CCDC186: variants seen among roughly 807,000 people sequenced by gnomAD.
CCDC186 encodes the protein coiled-coil domain containing 186.
A neutral mutation model predicts 113.7 loss-of-function variants in CCDC186; 49 were observed. That is an observed-to-expected ratio of 0.43 (90% CI 0.34 to 0.55). The LOEUF is 0.55. Ranked by LOEUF, CCDC186 falls within the 20% of genes least tolerant of loss-of-function variation. The pLI is 0.02. For synonymous variants in CCDC186, 355 were observed against 345.8 expected (o/e 1.03, Z -0.30); for missense variants, 890 against 1,011.1 (o/e 0.88, Z 1.62).
intron 6 of CCDC186, among the ~76,000 whole-genome samples, chr10:114,139,350 G>T (rs2031385876): frequency 6.6e-6 from 1 of 151,950 alleles, no homozygotes. Flanking sequence ...ATCACCTGAG[G>T]TCAGGAGTTG....
intron 3 of CCDC186, among the ~76,000 whole-genome samples, chr10:114,151,781 A>G (rs189555660): frequency 3.3e-4 from 51 of 152,296 alleles, no homozygotes; most frequent in African/African-American, 1.2e-3. Context: ...CCCTTAATTA[A>G]TAAGTGAGTT....
At chr10:114,145,444 T>G in intron 5 of CCDC186, 105 bp downstream of exon 5, 1 of 1,036,094 alleles carries the variant, frequency 9.7e-7, no homozygotes, top group South Asian at 1.9e-5. Context: ...AACTTTACGT[T>G]TGAGTGTTAA....
chr10:114,134,577 G>A (rs968110785), intron 10 of CCDC186, among the ~76,000 whole-genome samples: 3 of 152,178 alleles, frequency 2.0e-5, no homozygotes, highest in East Asian at 1.9e-4. Flanking sequence ...ACACACGTGC[G>A]AAGATCTAGA....
intron 6 of CCDC186, among the ~76,000 whole-genome samples, chr10:114,140,387 A>G (rs746782598): frequency 6.6e-6 from 1 of 152,220 alleles, no homozygotes; most frequent in Non-Finnish European, 1.5e-5. Flanking sequence ...GGCCTGAGCA[A>G]TGAGATGGAA....
At chr10:114,153,511 C>A (rs908695859) in intron 3 of CCDC186, among the ~76,000 whole-genome samples, 2 of 151,978 alleles carry the variant, frequency 1.3e-5, no homozygotes, top group African/African-American at 2.4e-5. Flanking sequence ...GGGGGCCAGG[C>A]GGGGTGGCTC....
intron 1 of CCDC186, among the ~76,000 whole-genome samples, chr10:114,164,194 C>A (rs981771315): frequency 1.5e-5 from 2 of 132,680 alleles, no homozygotes; most frequent in Admixed American, 1.5e-4. Context: ...GATCTCGGCT[C>A]ACTGCTACCT....
In CCDC186 at chr10:114,123,160, T is replaced by C. The variant is rs952862791; in HGVS notation, c.*1983A>G. On this transcript the variant is annotated 3_prime_UTR_variant, in exon 16 of 16. Coordinates refer to ENST00000369287, the MANE Select transcript of CCDC186 (RefSeq NM_018017.4). ...CAAAGTAGTCTTTAGGAGTGTTAAG[T>C]AGTGTGTCTAGAAACAAATAGTAAA... 7 of 152,608 alleles carry C rather than the reference T, an allele frequency of 4.6e-5. No homozygotes were observed. The highest frequency in any genetic ancestry group is 1.0e-4 in the Non-Finnish European group (7 of 68,020). 9.5% of individuals were successfully genotyped at this position (152,608 alleles called of 1,614,324 possible). A position where few individuals can be genotyped will look rare whatever the true frequency, so the allele number is the denominator to read the frequency against.
intron 4 of CCDC186, among the ~76,000 whole-genome samples, chr10:114,150,409 C>T (rs11598317): frequency 0.08 from 12,205 of 152,160 alleles, 577 homozygotes; most frequent in Middle Eastern, 0.14. Context: ...TGTATAGTAT[C>T]ATTCCAATCA....
chr10:114,138,437 G>A (rs930157556), intron 6 of CCDC186, among the ~76,000 whole-genome samples: 1 of 150,966 alleles, frequency 6.6e-6, no homozygotes, highest in African/African-American at 2.4e-5. Flanking sequence ...GGGATTACAA[G>A]TATGTGCCAC....
intron 6 of CCDC186, among the ~76,000 whole-genome samples, chr10:114,142,489 C>T (rs1292296047): frequency 6.6e-6 from 1 of 152,210 alleles, no homozygotes; most frequent in Non-Finnish European, 1.5e-5. Context: ...ACCAGGTAGG[C>T]AAACAAGTAG....
chr10:114,127,470 T>C lies in CCDC186; in HGVS notation c.2384A>G (p.Lys795Arg), dbSNP rs2030943042. 1 of 1,613,764 alleles carries C rather than the reference T, an allele frequency of 6.2e-7. No individual in the cohort carries two copies. The highest frequency in any genetic ancestry group is 1.3e-5 in the African/African-American group (1 of 75,012). The change falls in exon 14 of 16, where the codon AAA becomes AGA. Residue 795 changes from lysine (K) to arginine (R), a missense_variant. Coordinates refer to ENST00000369287, the MANE Select transcript of CCDC186 (RefSeq NM_018017.4). Reference protein sequence around the residue: ...HIKQLVEEIRKKTKIIQSYIL... With the variant: ...HIKQLVEEIRRKTKIIQSYIL... ...CCGTAATAATACATACTTTGTTTTT[T>C]TCCTAATTTCTTCCACCAGTTGTTT...
In CCDC186 at chr10:114,134,959, A is replaced by G. The variant is rs751759033; in HGVS notation, c.1609T>C (p.Leu537=). ...NRQKAEIQNL[L]DKVKTADQLQ... is the part of the protein sequence containing the mutation. ...TGATCTGCAGTTTTCACCTTGTCCA[A>G]TAAATTCTGAATTTCAGCTTTTTGG... Residue 537 remains leucine (L), a synonymous_variant, in exon 10 of 16, where the codon TTG becomes CTG. Coordinates refer to ENST00000369287, the MANE Select transcript of CCDC186 (RefSeq NM_018017.4). 6.2e-7 allele frequency: 1 copy of G among 1,612,704 alleles called. No homozygotes were observed. The highest frequency in any genetic ancestry group is 8.5e-7 in the Non-Finnish European group (1 of 1,179,584).
chr10:114,159,058 A>G (rs1421642005), intron 2 of CCDC186, among the ~76,000 whole-genome samples: 6 of 152,234 alleles, frequency 3.9e-5, no homozygotes, highest in African/African-American at 1.4e-4. Flanking sequence ...TTGAGCTGCT[A>G]TTTTAGATAA....
intron 7 of CCDC186, among the ~76,000 whole-genome samples, chr10:114,136,843 G>A (rs1316096052): frequency 6.6e-6 from 1 of 152,176 alleles, no homozygotes; most frequent in South Asian, 2.1e-4. Flanking sequence ...AACTGGCTAG[G>A]CACAGTGGTT....
chr10:114,148,124 G>C (rs2031703714), intron 4 of CCDC186, among the ~76,000 whole-genome samples: 1 of 152,080 alleles, frequency 6.6e-6, no homozygotes, highest in African/African-American at 2.4e-5. Flanking sequence ...AACAGACCCT[G>C]TCTCAAAAAA....
chr10:114,170,939 T>A (rs547137383), intron 1 of CCDC186, among the ~76,000 whole-genome samples: 2 of 151,942 alleles, frequency 1.3e-5, no homozygotes, highest in South Asian at 2.1e-4. Context: ...TTATGGTCCA[T>A]CAAAATTCCA....
chr10:114,162,438 C>T, intron 2 of CCDC186, 199 bp downstream of exon 2: 2 of 461,718 alleles, frequency 4.3e-6, no homozygotes, highest in Non-Finnish European at 7.5e-6. Context: ...CACTATTTAA[C>T]ATATTGAACT....
chr10:114,173,120 G>T (rs995372234), intron 1 of CCDC186: 10 of 425,672 alleles, frequency 2.3e-5, no homozygotes, highest in Admixed American at 5.3e-5. Context: ...TGACACACAT[G>T]CAGAGAAAAC....
rs201481328 is a variant in CCDC186, at chr10:114,162,751, G to A, written c.518C>T (p.Thr173Met). Residue 173 changes from threonine (T) to methionine (M), a missense_variant, in exon 2 of 16, where the codon ACG becomes ATG. Physicochemically the swap from Thr to Met is moderately conservative, Grantham distance 81. Transcript: ENST00000369287. ...LEEIESELLSTEFAEHRVPNG... is the reference protein window; with the variant it reads ...LEEIESELLSMEFAEHRVPNG... ...TGGTACTCGATGTTCTGCAAACTCC[G>A]TAGATAAGAGCTCAGATTCTATTTC... The A allele has an allele frequency of 2.9e-5, 46 of 1,613,792 alleles. No homozygotes were observed. In the African/African-American group the frequency reaches 4.0e-4, roughly 14 times the overall value.
Sources: allele counts gnomAD v4.1 joint callset (sites outside exome capture counted in the v4.1 genomes callset), GRCh38; gene constraint gnomAD v4.1.1; transcripts MANE v1.5; gene names NCBI Gene and HGNC (gene_info 2026-07-23, HGNC 2026-07-21).